Variants in PTPRD observed in about 807,000 individuals in gnomAD.
PTPRD encodes the protein receptor-type tyrosine-protein phosphatase delta.
A neutral mutation model predicts 214.5 loss-of-function variants in PTPRD; 34 were observed. The observed-to-expected ratio is 0.16, with a 90% CI of 0.12 to 0.21. The LOEUF is 0.21. Among genes scored for constraint, PTPRD ranks in the 10% least tolerant of loss-of-function variants. The pLI, the probability that PTPRD is intolerant of heterozygous loss-of-function variation, is 1.00. For missense variants in PTPRD, 2,545 were observed against 2,398.7 expected (o/e 1.06, Z -1.27); for synonymous variants, 1,128 against 845.7 (o/e 1.33, Z -5.79).
In PTPRD at chr9:8,948,441, A is replaced by ATATATATT. The variant is rs1567181690; in HGVS notation, c.-104+70255_-104+70256insAATATATA. 4.9e-3 allele frequency among the ~76,000 whole-genome samples: 21 copies of ATATATATT among 4,244 alleles called. 4 individuals carry two copies. In the East Asian group the frequency reaches 0.11, roughly 22 times the overall value. The allele number at this position is 4,244 out of a possible 152,430, so 2.8% of individuals were successfully genotyped here. On this transcript the variant is annotated intron_variant, in intron 11 of 45. Transcript: ENST00000381196. ...TATATATATTTATATATATATTTACATATATATATATTTATATATATATTT... is the reference window on the plus strand; with the variant it reads ...TATATATATTTATATATATATTTACATATATATTTATATATATATTTATATATATATTT...
intron 12 of PTPRD, among the ~76,000 whole-genome samples, chr9:8,699,736 C>A: frequency 6.7e-6 from 1 of 149,690 alleles, no homozygotes. Context: ...TCAGTAGAAT[C>A]TTTATTGAAA....
intron 11 of PTPRD, among the ~76,000 whole-genome samples, chr9:8,812,400 A>T (rs2096827539): frequency 6.6e-6 from 1 of 152,192 alleles, no homozygotes; most frequent in Non-Finnish European, 1.5e-5. Context: ...ATAGTTGGGT[A>T]AAGTTTCCAT....
At chr9:9,217,992 G>A (rs1013546804) in intron 9 of PTPRD, among the ~76,000 whole-genome samples, 1 of 152,058 alleles carries the variant, frequency 6.6e-6, no homozygotes, top group Non-Finnish European at 1.5e-5. Context: ...TGACAGTTAT[G>A]CCGTTCATGT....
At chr9:9,058,442 G>GTTTTTTTTTTGT (rs2099700419) in intron 10 of PTPRD, among the ~76,000 whole-genome samples, 1 of 69,900 alleles carries the variant, frequency 1.4e-5, no homozygotes, top group Non-Finnish European at 2.6e-5. Context: ...TATTATGAGG[G>GTTTTTTTTTTGT]TTTTTTTTTT....
At chr9:8,916,273 G>GGA (rs139488962) in intron 11 of PTPRD, among the ~76,000 whole-genome samples, 170 of 151,674 alleles carry the variant, frequency 1.1e-3, no homozygotes, top group Non-Finnish European at 1.4e-3. Context: ...TTACTGTAGA[G>GGA]GAGAGAGAGA....
At chr9:9,437,436 G>A (rs1412875) in intron 8 of PTPRD, among the ~76,000 whole-genome samples, 39,464 of 93,712 alleles carry the variant, frequency 0.42, 5,941 homozygotes, top group African/African-American at 0.57. Flanking sequence ...GAGTAATGAG[G>A]TGTATCAGGT....
intron 4 of PTPRD, among the ~76,000 whole-genome samples, chr9:9,955,098 C>T (rs1166338960): frequency 6.6e-6 from 1 of 152,146 alleles, no homozygotes; most frequent in Non-Finnish European, 1.5e-5. Flanking sequence ...GCAATCTACT[C>T]CCATCATATA....
chr9:10,318,222 C>A (rs2096483073), intron 3 of PTPRD, among the ~76,000 whole-genome samples: 1 of 151,956 alleles, frequency 6.6e-6, no homozygotes, highest in South Asian at 2.1e-4. Flanking sequence ...AAGTCAACCC[C>A]AGTGGTACAA....
At chr9:9,284,497 C>T (rs566109788) in intron 9 of PTPRD, among the ~76,000 whole-genome samples, 16 of 151,732 alleles carry the variant, frequency 1.1e-4, no homozygotes, top group Admixed American at 6.6e-4. Context: ...TACTGAAATT[C>T]GCTACCCCTC....
chr9:10,461,200 ACTGTTAGGAT>A (rs947434925), intron 2 of PTPRD, among the ~76,000 whole-genome samples: 1 of 147,718 alleles, frequency 6.8e-6, no homozygotes, highest in African/African-American at 2.5e-5. Context: ...TATCCTCATA[ACTGTTAGGAT>A]AACTATTATA....
chr9:10,282,964 C>A (rs1011339557), intron 3 of PTPRD, among the ~76,000 whole-genome samples: 1 of 152,086 alleles, frequency 6.6e-6, no homozygotes, highest in Non-Finnish European at 1.5e-5. Context: ...TCAATTTGTT[C>A]ATAATCAAAT....
intron 14 of PTPRD, among the ~76,000 whole-genome samples, chr9:8,592,062 A>T (rs2094146084): frequency 6.6e-6 from 1 of 152,194 alleles, no homozygotes; most frequent in African/African-American, 2.4e-5. Context: ...GGGGTCAAAA[A>T]GTATCAAAAT....
chr9:9,902,108 AG>A (rs2076536855), intron 5 of PTPRD, among the ~76,000 whole-genome samples: 1 of 152,028 alleles, frequency 6.6e-6, no homozygotes, highest in African/African-American at 2.4e-5. Flanking sequence ...CCTTCTCCAA[AG>A]GTTTACTGTT....
At chr9:10,577,437 G>A (rs891243379) in intron 2 of PTPRD, among the ~76,000 whole-genome samples, 3 of 152,054 alleles carry the variant, frequency 2.0e-5, no homozygotes, top group African/African-American at 7.2e-5. Context: ...AATCAGCTTT[G>A]GCTTTTAAAA....
At chr9:9,947,370 T>C (rs1164764579) in intron 4 of PTPRD, among the ~76,000 whole-genome samples, 1 of 62,488 alleles carries the variant, frequency 1.6e-5, no homozygotes, top group Non-Finnish European at 2.8e-5. Flanking sequence ...ATATTATATA[T>C]ATATTATATA....
intron 3 of PTPRD, among the ~76,000 whole-genome samples, chr9:10,156,166 T>C (rs145685840): frequency 2.8e-4 from 43 of 151,614 alleles, no homozygotes; most frequent in African/African-American, 9.9e-4. Flanking sequence ...TTATTTCTTG[T>C]CTTCTGCCAG....
In PTPRD at chr9:8,504,314, G is replaced by C. The variant is rs368873301; in HGVS notation, c.1769C>G (p.Pro590Arg). 6.2e-7 allele frequency: 1 copy of C among 1,614,176 alleles called. No individual in the cohort carries two copies. Among genetic ancestry groups the C allele is most frequent in the South Asian group, 1.1e-5 (1 of 91,080 alleles). Residue 590 changes from proline (P) to arginine (R), a missense_variant, in exon 23 of 46, where the codon CCT becomes CGT. Coordinates refer to ENST00000381196, the MANE Select transcript of PTPRD (RefSeq NM_002839.4). ...LYYFRLAARS[P>R]QGLGASTAEI... ...TGCAGTAGAAGCACCCAGGCCTTGA[G>C]GGGAGCGTGCAGCCAGACGGAAATA...
chr9:8,607,340 A>T (rs542632552), intron 14 of PTPRD, among the ~76,000 whole-genome samples: 9 of 152,182 alleles, frequency 5.9e-5, no homozygotes, highest in Non-Finnish European at 1.0e-4. Context: ...AAATTAAAAA[A>T]TTCATAAAAT....
intron 14 of PTPRD, among the ~76,000 whole-genome samples, chr9:8,593,984 G>GT (rs2094309647): frequency 6.6e-6 from 1 of 152,128 alleles, no homozygotes; most frequent in African/African-American, 2.4e-5. Context: ...TTCACATATA[G>GT]TAGTTATGCA....
Sources: gnomAD v4.1 joint callset for allele counts (sites outside exome capture counted in the v4.1 genomes callset) on GRCh38, gnomAD v4.1.1 for gene constraint, MANE v1.5 for transcripts, NCBI Gene and HGNC (gene_info 2026-07-23, HGNC 2026-07-21) for gene names.